Variants in RUSC1 observed in about 807,000 individuals in gnomAD.
RUSC1 encodes RUN and SH3 domain containing 1, also known as AP-4 complex accessory subunit RUSC1.
A neutral mutation model predicts 72.1 loss-of-function variants in RUSC1; 40 were observed. The observed-to-expected ratio is 0.55, with a 90% CI of 0.43 to 0.72. The LOEUF (loss-of-function observed/expected upper bound fraction) is 0.72. RUSC1 is among the 30% of genes least tolerant of loss of function. The probability of loss-of-function intolerance (pLI) is 0.00; values close to 1 mark genes in which losing one functional copy is unlikely to be tolerated. For missense variants in RUSC1, 1,092 were observed against 1,172.3 expected (o/e 0.93, Z 1.00); for synonymous variants, 512 against 494.2 (o/e 1.04, Z -0.48).
At chr1:155,324,299 C>T in intron 2 of RUSC1, 1 of 1,560,416 alleles carries the variant, frequency 6.4e-7, no homozygotes, top group East Asian at 2.3e-5. Context: ...GGGCACCCTC[C>T]GCCAAGAGGC....
chr1:155,329,880 C>T (rs1055954297), intron 9 of RUSC1, among the ~76,000 whole-genome samples: 17 of 149,350 alleles, frequency 1.1e-4, no homozygotes, highest in Admixed American at 2.7e-4. Context: ...ATTGCTTGAA[C>T]CTGGGAGGTG....
Position 155,330,510 on chromosome 1 carries a change from G to A in RUSC1, c.2648G>A (p.Arg883His), listed in dbSNP as rs759042145. The change falls in exon 10 of 10, where the codon CGC (arginine) becomes CAC (histidine). Residue 883 changes from arginine (R) to histidine (H), a missense_variant. Coordinates refer to ENST00000368352, the MANE Select transcript of RUSC1 (RefSeq NM_001105203.2). Reference protein sequence around the residue: ...VITTVDEDWLRCGRDGMEGLV... With the variant: ...VITTVDEDWLHCGRDGMEGLV... ...ACCACAGTGGATGAGGACTGGCTCCGCTGTGGGCGGGATGGCATGGAGGGT... is the reference window on the plus strand; with the variant it reads ...ACCACAGTGGATGAGGACTGGCTCCACTGTGGGCGGGATGGCATGGAGGGT... The A allele has an allele frequency of 1.1e-5, 18 of 1,613,746 alleles. No homozygotes were observed. The highest frequency in any genetic ancestry group is 6.6e-5 in the South Asian group (6 of 91,062).
chr1:155,328,755 C>T (rs1000146031), intron 9 of RUSC1, among the ~76,000 whole-genome samples: 26 of 151,962 alleles, frequency 1.7e-4, no homozygotes, highest in Admixed American at 1.0e-3. Flanking sequence ...CATGCCGCCA[C>T]GCCCAGCTAA....
chr1:155,321,477 TC>T lies in RUSC1; in HGVS notation c.-86-208del, dbSNP rs760512059. 4 of 1,466,588 alleles carry T rather than the reference TC, an allele frequency of 2.7e-6. No homozygotes were observed. In the African/African-American group the frequency reaches 5.6e-5, roughly 21 times the overall value. The allele number at this position is 1,466,588 out of a possible 1,614,324, so 90.8% of individuals were successfully genotyped here. On this transcript the variant is annotated intron_variant, in intron 1 of 9. Transcript: ENST00000368352. The stretch of plus-strand genomic sequence containing the variant: ...AGAGCGCAGCCGCGTTCTCTGACCC[TC>T]CCGGCTCCATTCCCGGGGGGTTACA...
At chr1:155,324,034 C>T in intron 2 of RUSC1, 3 of 1,064,330 alleles carry the variant, frequency 2.8e-6, no homozygotes, top group South Asian at 2.9e-5. Flanking sequence ...GGGCCGGCCC[C>T]CTCTCCCTCC....
intron 2 of RUSC1, chr1:155,324,088 T>G: frequency 8.6e-7 from 1 of 1,158,284 alleles, no homozygotes; most frequent in Non-Finnish European, 1.1e-6. Flanking sequence ...CCAGCCTCCA[T>G]GCCAAGTCTA....
At position 155,322,248 on chromosome 1, in the gene RUSC1, A is replaced by G; in HGVS notation, c.475A>G (p.Ser159Gly). 2 of 1,613,100 alleles carry G rather than the reference A, an allele frequency of 1.2e-6. No homozygotes were observed. Among genetic ancestry groups the G allele is most frequent in the African/African-American group, 1.3e-5 (1 of 75,042 alleles). Residue 159 changes from serine to glycine, a missense_variant, in exon 2 of 10, where the codon AGC becomes GGC. Transcript: ENST00000368352. ...SAGPGTCSPD[S>G]FCCSPDSCSG... ...AGGCCCTGGCACCTGCTCACCGGAC[A>G]GCTTCTGCTGCTCTCCTGATTCCTG...
In RUSC1 at chr1:155,325,444, G is replaced by A. The variant is rs796081291; in HGVS notation, c.1662G>A (p.Gln554=). Residue 554 remains glutamine (Q), a synonymous_variant, in exon 5 of 10, where the codon CAG becomes CAA. Coordinates refer to ENST00000368352, the MANE Select transcript of RUSC1 (RefSeq NM_001105203.2). This position sits in a 1 kb window ranked among gnomAD's most constrained non-coding sequence, Gnocchi z 6.5. ...KPFRKDLITG[Q]RRSSPWSVVE... ...TCCGGAAGGACCTCATCACCGGGCA[G>A]CGCAGGAGCAGCCCCTGGAGCGTGG... The A allele has an allele frequency of 1.3e-6, 2 of 1,593,180 alleles. No homozygotes were observed. The highest frequency in any genetic ancestry group is 2.3e-5 in the East Asian group (1 of 44,252).
intron 9 of RUSC1, among the ~76,000 whole-genome samples, chr1:155,329,759 A>G (rs975247446): frequency 6.7e-6 from 1 of 148,490 alleles, no homozygotes; most frequent in South Asian, 2.3e-4. Flanking sequence ...ATTCAAGACC[A>G]GCCTGGTCAA....
In RUSC1 at chr1:155,322,125, C is replaced by T. The variant is rs1330864737; in HGVS notation, c.352C>T (p.Pro118Ser). The change falls in exon 2 of 10, where the codon CCT (proline) becomes TCT (serine). Residue 118 changes from proline (P) to serine (S), a missense_variant. Transcript: ENST00000368352. ...CTCAGATCTTAGCCCCGATGAGTCC[C>T]CTGTCTCAGTCTACTTGCGGGACCT... ...SCSDLSPDES[P>S]VSVYLRDLPG... 6.2e-7 allele frequency: 1 copy of T among 1,609,478 alleles called. No individual in the cohort carries two copies. The highest frequency in any genetic ancestry group is 8.5e-7 in the Non-Finnish European group (1 of 1,177,014).
chr1:155,328,377 T>C (rs1398353654), intron 9 of RUSC1, 102 bp downstream of exon 9: 1 of 1,211,624 alleles, frequency 8.3e-7, no homozygotes, highest in Non-Finnish European at 1.1e-6. Context: ...AATAAGACCG[T>C]GCTTAGTGTG....
chr1:155,328,111 G>A, intron 8 of RUSC1, 39 bp from the exon 9 acceptor site: 2 of 1,592,188 alleles, frequency 1.3e-6, no homozygotes, highest in Non-Finnish European at 1.7e-6. Flanking sequence ...GGGTTTTCTG[G>A]AAGTGGGTTG....
chr1:155,329,028 G>A (rs1247960727), intron 9 of RUSC1, among the ~76,000 whole-genome samples: 7 of 151,980 alleles, frequency 4.6e-5, no homozygotes, highest in East Asian at 1.9e-4. Flanking sequence ...TACTGCACCC[G>A]GCCAGGATTC....
Position 155,325,151 on chromosome 1 carries a change from C to A in RUSC1, c.1506C>A (p.Phe502Leu), listed in dbSNP as rs1298579190. The change falls in exon 4 of 10, where the codon TTC becomes TTA. Residue 502 changes from phenylalanine to leucine, a missense_variant. By Grantham distance (22) the Phe-to-Leu change is conservative. Coordinates refer to ENST00000368352, the MANE Select transcript of RUSC1 (RefSeq NM_001105203.2). The surrounding 1 kb of genome is among the most constrained non-coding windows in gnomAD (Gnocchi z 6.5). The stretch of plus-strand genomic sequence containing the variant: ...CCGTTGATAAAATCATCTCGCATTT[C>A]GGGGCCGCCCGGAACTTGGTGCAGA... ...SVSVDKIISH[F>L]GAARNLVQKA... 6.2e-7 allele frequency: 1 copy of A among 1,614,200 alleles called. No homozygotes were observed. Among genetic ancestry groups the A allele is most frequent in the East Asian group, 2.2e-5 (1 of 44,888 alleles).
chr1:155,326,602 G>A lies in RUSC1; in HGVS notation c.1884G>A (p.Leu628=). ...CAGGCCTGCTCTCCCTCCTGTACCTGCCAACAGGATTTTTCTCCCTGGCCC... is the reference window on the plus strand; with the variant it reads ...CAGGCCTGCTCTCCCTCCTGTACCTACCAACAGGATTTTTCTCCCTGGCCC... ...EDAGLLSLLY[L]PTGFFSLARG... Residue 628 remains leucine, a synonymous_variant, in exon 8 of 10, where the codon CTG becomes CTA. Transcript: ENST00000368352. This position sits in a 1 kb window ranked among gnomAD's most constrained non-coding sequence, Gnocchi z 4.7. 6.2e-7 allele frequency: 1 copy of A among 1,613,090 alleles called. No individual in the cohort carries two copies. Among genetic ancestry groups the A allele is most frequent in the Non-Finnish European group, 8.5e-7 (1 of 1,179,456 alleles).
chr1:155,321,261 A>G lies in RUSC1; in HGVS notation c.-87+270A>G, dbSNP rs780409752. ...CCCCCACCCCTTTCCTGCATTCACC[A>G]GACAAACTCTGCGTATTGCCCCACC... On this transcript the variant is annotated intron_variant, in intron 1 of 9. Transcript: ENST00000368352. The G allele has an allele frequency of 2.2e-6, 3 of 1,366,724 alleles. No homozygotes were observed. In the African/African-American group the frequency reaches 4.4e-5, roughly 20 times the overall value. 84.7% of individuals were successfully genotyped at this position (1,366,724 alleles called of 1,614,324 possible). A position where few individuals can be genotyped will look rare whatever the true frequency, so the allele number is the denominator to read the frequency against.
In RUSC1 at chr1:155,322,916, A is replaced by T. The variant is rs757977148; in HGVS notation, c.1143A>T (p.Pro381=). 4 of 1,545,596 alleles carry T rather than the reference A, an allele frequency of 2.6e-6. No homozygotes were observed. The highest frequency in any genetic ancestry group is 3.5e-6 in the Non-Finnish European group (4 of 1,145,970). The change falls in exon 2 of 10, where the codon CCA becomes CCT. Residue 381 remains proline, a synonymous_variant. Coordinates refer to ENST00000368352, the MANE Select transcript of RUSC1 (RefSeq NM_001105203.2). ...FKELRSRSRA[P]APPVPPRDPP... is the part of the protein sequence containing the mutation. Reference sequence around the variant, plus strand: ...AACTCCGGTCCCGAAGCCGGGCCCCAGCCCCGCCAGTCCCGCCTCGAGACC... The same window carrying T: ...AACTCCGGTCCCGAAGCCGGGCCCCTGCCCCGCCAGTCCCGCCTCGAGACC...
In RUSC1 at chr1:155,326,043, T is replaced by A; in HGVS notation, c.1861+133T>A. 1.0e-6 allele frequency: 1 copy of A among 993,154 alleles called. No individual in the cohort carries two copies. The highest frequency in any genetic ancestry group is 1.5e-6 in the Non-Finnish European group (1 of 646,274). The allele number at this position is 993,154 out of a possible 1,614,324, so 61.5% of individuals were successfully genotyped here. On this transcript the variant is annotated intron_variant, in intron 7 of 9. Coordinates refer to ENST00000368352, the MANE Select transcript of RUSC1 (RefSeq NM_001105203.2). The surrounding 1 kb of genome is among the most constrained non-coding windows in gnomAD (Gnocchi z 4.7). The stretch of plus-strand genomic sequence containing the variant: ...TCTCCGATCTTATTACTCTTCTAAT[T>A]AAAACTTTCTAAGGAGGCCCATCGC...
At chr1:155,324,821 C>G (rs200092553) in intron 2 of RUSC1, 24 bp from the exon 3 acceptor site, 2 of 1,614,216 alleles carry the variant, frequency 1.2e-6, no homozygotes, top group Non-Finnish European at 1.7e-6. Context: ...TAAGTGTTAC[C>G]GCGCCCTTCT....
Sources: allele counts gnomAD v4.1 joint callset (sites outside exome capture counted in the v4.1 genomes callset), GRCh38; gene constraint gnomAD v4.1.1; non-coding constraint Gnocchi (gnomAD v3.1); transcripts MANE v1.5; gene names NCBI Gene and HGNC (gene_info 2026-07-23, HGNC 2026-07-21).